Variants in MIDEAS observed in about 807,000 individuals in gnomAD.
MIDEAS encodes the protein mitotic deacetylase associated SANT domain protein.
MIDEAS carries 26 observed loss-of-function variants against 102.7 expected under a neutral mutation model. The observed-to-expected ratio is 0.25, with a 90% CI of 0.19 to 0.35. The LOEUF (loss-of-function observed/expected upper bound fraction) is 0.35. MIDEAS is among the 10% of genes least tolerant of loss of function. The pLI, the probability that MIDEAS is intolerant of heterozygous loss-of-function variation, is 1.00. For synonymous variants in MIDEAS, 585 were observed against 591.0 expected, an observed-to-expected ratio of 0.99 and a Z score of 0.15; for missense variants, 1,231 against 1,435.6, an observed-to-expected ratio of 0.86 and a Z score of 2.30.
chr14:73,786,166 G>A (rs1293905299), intron 1 of MIDEAS, among the ~76,000 whole-genome samples: 1 of 152,156 alleles, frequency 6.6e-6, no homozygotes, highest in Non-Finnish European at 1.5e-5. Context: ...TGTCCCCGCC[G>A]CCGCCGCTAC....
chr14:73,745,741 C>T (rs192998532), intron 1 of MIDEAS, among the ~76,000 whole-genome samples: 103 of 152,344 alleles, frequency 6.8e-4, no homozygotes, highest in Admixed American at 2.9e-3. Context: ...GCCAGTGTAC[C>T]CCATTTCTGC....
chr14:73,749,728 T>C (rs1015238419), intron 1 of MIDEAS, among the ~76,000 whole-genome samples: 3 of 152,016 alleles, frequency 2.0e-5, no homozygotes, highest in Admixed American at 6.6e-5. Flanking sequence ...CGGGTTGAAA[T>C]TGGAAATCAA....
At chr14:73,735,771 T>C (rs2053191954) in intron 3 of MIDEAS, among the ~76,000 whole-genome samples, 1 of 152,224 alleles carries the variant, frequency 6.6e-6, no homozygotes, top group South Asian at 2.1e-4. Flanking sequence ...ATTTGGGGAA[T>C]AGATATGGAT....
intron 3 of MIDEAS, among the ~76,000 whole-genome samples, chr14:73,731,941 C>G (rs2053144924): frequency 6.6e-6 from 1 of 152,190 alleles, no homozygotes; most frequent in Admixed American, 6.5e-5. Context: ...AAACCTCCCC[C>G]CAAAGCCTGG....
chr14:73,756,161 T>C (rs978616757), intron 1 of MIDEAS, among the ~76,000 whole-genome samples: 1 of 152,014 alleles, frequency 6.6e-6, no homozygotes, highest in African/African-American at 2.4e-5. Context: ...GTTCTGAGTG[T>C]GGAAGCAGAA....
chr14:73,746,866 G>T (rs868374471), intron 1 of MIDEAS, among the ~76,000 whole-genome samples: 1 of 152,204 alleles, frequency 6.6e-6, no homozygotes, highest in South Asian at 2.1e-4. Flanking sequence ...CTTGCTGCAA[G>T]CCAGGCTCTG....
intron 1 of MIDEAS, among the ~76,000 whole-genome samples, chr14:73,780,784 G>A (rs1282531011): frequency 1.3e-5 from 2 of 152,168 alleles, no homozygotes; most frequent in African/African-American, 4.8e-5. Context: ...AAGTAATCTT[G>A]TTGGCCAACT....
Position 73,739,481 on chromosome 14 carries a change from G to A in MIDEAS, c.528C>T (p.Asp176=), listed in dbSNP as rs759937623. 1.2e-6 allele frequency: 2 copies of A among 1,610,636 alleles called. No homozygotes were observed. The highest frequency in any genetic ancestry group is 1.7e-6 in the Non-Finnish European group (2 of 1,178,022). ...KREKAGGPQL[D]RYVRPMMPQK... is the part of the protein sequence containing the mutation. ...GTGGCATCATTGGTCGCACATAGCGGTCCAGCTGTGGGCCCCCCGCTTTCT... is the reference window on the plus strand; with the variant it reads ...GTGGCATCATTGGTCGCACATAGCGATCCAGCTGTGGGCCCCCCGCTTTCT... The change falls in exon 2 of 13, where the codon GAC becomes GAT. Residue 176 remains aspartate, a synonymous_variant. Coordinates refer to ENST00000423556, the MANE Select transcript of MIDEAS (RefSeq NM_001367710.1).
chr14:73,723,604 CAA>C (rs2053024443), intron 9 of MIDEAS: 1 of 152,088 alleles, frequency 6.6e-6, no homozygotes, highest in Admixed American at 6.5e-5. Context: ...AATCAGAGAA[CAA>C]GAGAGAGCTG....
chr14:73,741,353 G>A (rs952818222), intron 1 of MIDEAS, among the ~76,000 whole-genome samples: 1 of 151,654 alleles, frequency 6.6e-6, no homozygotes, highest in Non-Finnish European at 1.5e-5. Flanking sequence ...TCAGAGTGAT[G>A]TTTGGGTTTT....
At chr14:73,719,093 C>A in intron 12 of MIDEAS, 85 bp from the exon 13 acceptor site, 1 of 1,451,360 alleles carries the variant, frequency 6.9e-7, no homozygotes, top group Non-Finnish European at 9.0e-7. Context: ...CCAGCCTTCA[C>A]CTTCACCCCC....
At chr14:73,722,502 A>T (rs1226163241) in intron 10 of MIDEAS, 196 bp downstream of exon 10, 5 of 497,300 alleles carry the variant, frequency 1.0e-5, no homozygotes, top group Non-Finnish European at 1.8e-5. Flanking sequence ...TATCAACACA[A>T]TGTATTATTA....
chr14:73,725,369 CAA>C lies in MIDEAS; in HGVS notation c.2486-11_2486-10del, dbSNP rs2053046717. The C allele has an allele frequency of 1.2e-6, 2 of 1,613,150 alleles. No individual in the cohort carries two copies. Among genetic ancestry groups the C allele is most frequent in the Admixed American group, 3.3e-5 (2 of 59,984 alleles). ...CTTCCACTGGTCAGAGCCTATGGGG[CAA>C]AGAGGCAGCCAGGGAGTGAGGTGGG... On this transcript the variant is annotated splice_polypyrimidine_tract_variant and intron_variant, in intron 8 of 12. Transcript: ENST00000423556. This position sits in a 1 kb window ranked among gnomAD's most constrained non-coding sequence, Gnocchi z 4.1.
At chr14:73,721,684 G>A in intron 10 of MIDEAS, 175 bp from the exon 11 acceptor site, 1 of 605,988 alleles carries the variant, frequency 1.7e-6, no homozygotes, top group Non-Finnish European at 2.9e-6. Context: ...TAGTAGCCAT[G>A]GGGACAGAAG....
At chr14:73,721,942 C>G (rs898092894) in intron 10 of MIDEAS, among the ~76,000 whole-genome samples, 1 of 152,216 alleles carries the variant, frequency 6.6e-6, no homozygotes, top group Non-Finnish European at 1.5e-5. Flanking sequence ...AGCATGTCAC[C>G]AAGCGTGGAT....
At chr14:73,758,035 T>G (rs909105498) in intron 1 of MIDEAS, among the ~76,000 whole-genome samples, 2 of 152,074 alleles carry the variant, frequency 1.3e-5, no homozygotes, top group African/African-American at 4.8e-5. Context: ...CTGTATGACC[T>G]GGGGGCATCC....
upstream of MIDEAS, among the ~76,000 whole-genome samples, chr14:73,787,744 C>T (rs957839475): frequency 6.6e-6 from 1 of 152,164 alleles, no homozygotes; most frequent in African/African-American, 2.4e-5. Flanking sequence ...CATGATGTCC[C>T]TCGTCATTTC....
At chr14:73,751,466 G>A (rs2053418549) in intron 1 of MIDEAS, among the ~76,000 whole-genome samples, 2 of 152,200 alleles carry the variant, frequency 1.3e-5, no homozygotes, top group Non-Finnish European at 2.9e-5. Flanking sequence ...GCAGGTGAGT[G>A]GCTTTGAAGG....
In MIDEAS at chr14:73,739,145, A is replaced by G. The variant is rs2053245729; in HGVS notation, c.864T>C (p.Phe288=). Reference sequence around the variant, plus strand: ...CCAGTGGCCCAGCTGGCTGCAGGCCAAAGTCCTGGGGTTGCTGCGAGGGTT... The same window carrying G: ...CCAGTGGCCCAGCTGGCTGCAGGCCGAAGTCCTGGGGTTGCTGCGAGGGTT... ...PQQPSQQPQD[F]GLQPAGPLGQ... The change falls in exon 2 of 13, where the codon TTT becomes TTC. Residue 288 remains phenylalanine (F), a synonymous_variant. Transcript: ENST00000423556. The G allele has an allele frequency of 1.9e-6, 3 of 1,613,386 alleles. No homozygotes were observed. Among genetic ancestry groups the G allele is most frequent in the South Asian group, 1.1e-5 (1 of 91,020 alleles).
Sources: allele counts gnomAD v4.1 joint callset (sites outside exome capture counted in the v4.1 genomes callset), GRCh38; gene constraint gnomAD v4.1.1; non-coding constraint Gnocchi (gnomAD v3.1); transcripts MANE v1.5; gene names NCBI Gene and HGNC (gene_info 2026-07-23, HGNC 2026-07-21).